Variants in NUP88 observed in about 807,000 individuals in gnomAD.
The protein encoded by NUP88 is nucleoporin 88, also known as nuclear pore complex protein Nup88.
A neutral mutation model predicts 93.9 loss-of-function variants in NUP88; 57 were observed. That is an observed-to-expected ratio of 0.61 (90% confidence interval 0.49 to 0.76). The LOEUF (loss-of-function observed/expected upper bound fraction) is 0.76. Among genes scored for constraint, NUP88 ranks in the 30% least tolerant of loss-of-function variants. The pLI is 0.00. For missense variants in NUP88, 911 were observed against 901.0 expected (o/e 1.01, Z -0.14); for synonymous variants, 346 against 336.8 (o/e 1.03, Z -0.30).
At chr17:5,387,998 ATATTTT>A in intron 11 of NUP88, 94 bp from the exon 12 acceptor site, 1 of 1,271,590 alleles carries the variant, frequency 7.9e-7, no homozygotes, top group Non-Finnish European at 1.1e-6. Context: ...TAAACTTTTT[ATATTTT>A]TAATTTATTT....
At chr17:5,395,994 C>T (rs985720622) in intron 8 of NUP88, among the ~76,000 whole-genome samples, 1 of 151,946 alleles carries the variant, frequency 6.6e-6, no homozygotes, top group East Asian at 1.9e-4. Context: ...GTGGATCACC[C>T]GAGGTCAGGA....
At position 5,419,496 on chromosome 17, in the gene NUP88, G is replaced by A. The variant is rs1410490124; in HGVS notation, c.155C>T (p.Pro52Leu). 2.5e-6 allele frequency: 4 copies of A among 1,614,040 alleles called. No individual in the cohort carries two copies. Among genetic ancestry groups the A allele is most frequent in the Non-Finnish European group, 3.4e-6 (4 of 1,179,968 alleles). Residue 52 changes from proline to leucine, a missense_variant, in exon 1 of 17, where the codon CCG becomes CTG. Pro to Leu is a moderately conservative substitution (Grantham distance 98). Transcript: ENST00000573584. ...PASSSLPSSP[P>L]PQLLTRNVVF... ...CACGTTTCTCGTCAGCAACTGCGGCGGCGGCGACGAAGGCAACGACGAAGA... is the reference window on the plus strand; with the variant it reads ...CACGTTTCTCGTCAGCAACTGCGGCAGCGGCGACGAAGGCAACGACGAAGA...
chr17:5,404,611 T>A (rs1308569224), intron 6 of NUP88, among the ~76,000 whole-genome samples: 1 of 151,596 alleles, frequency 6.6e-6, no homozygotes, highest in African/African-American at 2.4e-5. Context: ...CGAAACTCTG[T>A]CTCCAAAAAA....
At chr17:5,416,402 G>C in intron 2 of NUP88, 111 bp downstream of exon 2, 1 of 667,098 alleles carries the variant, frequency 1.5e-6, no homozygotes, top group Non-Finnish European at 2.4e-6. Flanking sequence ...AGACCACGAG[G>C]AGTGTTTTAA....
chr17:5,398,062 A>C (rs1338038202), intron 8 of NUP88, among the ~76,000 whole-genome samples: 2 of 150,414 alleles, frequency 1.3e-5, no homozygotes, highest in African/African-American at 4.9e-5. Flanking sequence ...ATCCGCCACT[A>C]TGCCTGGCTA....
chr17:5,390,645 T>C (rs1159923612), intron 10 of NUP88, among the ~76,000 whole-genome samples: 1 of 152,114 alleles, frequency 6.6e-6, no homozygotes, highest in Admixed American at 6.5e-5. Context: ...AGGAACATAG[T>C]GATTACAGCT....
chr17:5,391,464 A>C (rs962525212), intron 10 of NUP88, 97 bp downstream of exon 10: 3 of 905,776 alleles, frequency 3.3e-6, no homozygotes, highest in Non-Finnish European at 5.4e-6. Flanking sequence ...TATAAACCAC[A>C]CATGTATAGC....
At chr17:5,403,456 AACAGAGCGAG>A (rs1306920805) in intron 7 of NUP88, among the ~76,000 whole-genome samples, 1 of 152,144 alleles carries the variant, frequency 6.6e-6, no homozygotes, top group African/African-American at 2.4e-5. Context: ...CAGCCTGGGC[AACAGAGCGAG>A]ACTCCATCTC....
chr17:5,410,665 A>T, intron 4 of NUP88, 38 bp downstream of exon 4: 1 of 1,255,426 alleles, frequency 8.0e-7, no homozygotes, highest in Non-Finnish European at 1.1e-6. Flanking sequence ...CCAATAAGCT[A>T]ATTAAAAAAC....
rs1249941140 is a variant in NUP88, at chr17:5,410,807, A to T, written c.594-18T>A. On this transcript the variant is annotated intron_variant, in intron 3 of 16. Coordinates refer to ENST00000573584, the MANE Select transcript of NUP88 (RefSeq NM_002532.6). Reference sequence around the variant, plus strand: ...AGTAAATTCTAGCAACCAAAAGAGAAGAAAACCAGCACTTAAAATTCTGTT... The same window carrying T: ...AGTAAATTCTAGCAACCAAAAGAGATGAAAACCAGCACTTAAAATTCTGTT... 3 of 1,518,936 alleles carry T rather than the reference A, an allele frequency of 2.0e-6. No homozygotes were observed. Among genetic ancestry groups the T allele is most frequent in the Non-Finnish European group, 2.7e-6 (3 of 1,104,204 alleles). The allele number at this position is 1,518,936 out of a possible 1,614,324, so 94.1% of individuals were successfully genotyped here.
intron 5 of NUP88, among the ~76,000 whole-genome samples, chr17:5,405,570 A>G (rs1334739779): frequency 3.9e-5 from 6 of 152,192 alleles, no homozygotes; most frequent in Admixed American, 3.9e-4. Context: ...ACAGCACAGC[A>G]CCTCTAAAAC....
intron 4 of NUP88, 63 bp from the exon 5 acceptor site, chr17:5,408,972 C>A: frequency 2.9e-6 from 4 of 1,381,078 alleles, no homozygotes; most frequent in Admixed American, 2.6e-5. Context: ...AAAAGAAAAA[C>A]AAAACAAAAC....
chr17:5,398,880 T>C (rs12601985), intron 8 of NUP88, among the ~76,000 whole-genome samples: 61,152 of 141,968 alleles, frequency 0.43, 13,959 homozygotes, highest in East Asian at 0.83. Flanking sequence ...CATGAGCCAC[T>C]GCACCCAGCC....
chr17:5,402,896 A>C (rs1165993857), intron 7 of NUP88, among the ~76,000 whole-genome samples: 2 of 152,126 alleles, frequency 1.3e-5, no homozygotes, highest in African/African-American at 4.8e-5. Flanking sequence ...CCAGAGGCTG[A>C]GGTGAGAGGA....
At chr17:5,400,861 A>AT (rs1913118773) in intron 7 of NUP88, among the ~76,000 whole-genome samples, 2 of 152,148 alleles carry the variant, frequency 1.3e-5, no homozygotes, top group Non-Finnish European at 2.9e-5. Context: ...TTCAAAGGTT[A>AT]TTTTCAGTTT....
rs191647191 is a variant in NUP88 at position 5,391,678 on chromosome 17, C to T, written c.1383-16G>A. 533 of 1,602,944 alleles carry T rather than the reference C, an allele frequency of 3.3e-4. 4 individuals carry two copies. The African/African-American group carries it at 5.5e-3, about 17-fold the overall frequency. ...AGCTGGCTGCCTGGAAAAACACAGTCATAGTTAAATTACAAAGCAGCAAAT... is the reference window on the plus strand; with the variant it reads ...AGCTGGCTGCCTGGAAAAACACAGTTATAGTTAAATTACAAAGCAGCAAAT... On this transcript the variant is annotated splice_polypyrimidine_tract_variant and intron_variant, in intron 9 of 16. Transcript: ENST00000573584.
At chr17:5,395,663 G>C (rs1431514436) in intron 8 of NUP88, among the ~76,000 whole-genome samples, 2 of 152,030 alleles carry the variant, frequency 1.3e-5, no homozygotes, top group African/African-American at 2.4e-5. Flanking sequence ...TGAGTAGCTG[G>C]GACTACAGGT....
intron 9 of NUP88, among the ~76,000 whole-genome samples, chr17:5,393,231 A>G (rs955768184): frequency 6.6e-6 from 1 of 151,830 alleles, no homozygotes; most frequent in African/African-American, 2.4e-5. Flanking sequence ...CTGGGATTAC[A>G]GGCGTGAGCC....
intron 5 of NUP88, among the ~76,000 whole-genome samples, chr17:5,408,377 T>C (rs551283247): frequency 3.7e-4 from 56 of 152,362 alleles, no homozygotes; most frequent in South Asian, 6.2e-4. Context: ...TTCATGTGTA[T>C]GTATCTTTCT....
Sources: allele counts gnomAD v4.1 joint callset (sites outside exome capture counted in the v4.1 genomes callset), GRCh38; gene constraint gnomAD v4.1.1; transcripts MANE v1.5; gene names NCBI Gene and HGNC (gene_info 2026-07-23, HGNC 2026-07-21).